DNAJC14: variants seen among roughly 807,000 people sequenced by gnomAD.
The protein encoded by DNAJC14 is DnaJ heat shock protein family (Hsp40) member C14.
In DNAJC14, 12 loss-of-function variants were observed where a neutral mutation model predicts 68.8. That is an observed-to-expected ratio of 0.17 (90% CI 0.11 to 0.28). DNAJC14 has a LOEUF of 0.28. Ranked by LOEUF, DNAJC14 falls within the 10% of genes least tolerant of loss-of-function variation. The pLI is 1.00. For synonymous variants in DNAJC14, 350 were observed against 321.5 expected, an observed-to-expected ratio of 1.09 and a Z score of -0.95; for missense variants, 764 against 875.6, an observed-to-expected ratio of 0.87 and a Z score of 1.61.
intron 2 of DNAJC14, 109 bp from the exon 3 acceptor site, chr12:55,823,617 G>T: frequency 2.4e-6 from 2 of 844,758 alleles, no homozygotes; most frequent in Non-Finnish European, 3.7e-6. Flanking sequence ...AAGAGTCAGT[G>T]TAGCTTAATG....
In DNAJC14 at chr12:55,827,937, G is replaced by A. The variant is rs758217918; in HGVS notation, c.722C>T (p.Ala241Val). The A allele has an allele frequency of 1.2e-5, 19 of 1,606,856 alleles. No homozygotes were observed. The highest frequency in any genetic ancestry group is 1.6e-5 in the Non-Finnish European group (19 of 1,175,258). Residue 241 changes from alanine (A) to valine (V), a missense_variant, in exon 2 of 7, where the codon GCC becomes GTC. By Grantham distance (64) the Ala-to-Val change is moderately conservative (BLOSUM62 0). This residue lies in a region of DNAJC14 where 514 missense variants were observed against 521.7 expected (regional missense o/e 0.99). Transcript: ENST00000678005. The stretch of plus-strand genomic sequence containing the variant: ...CTGTCCAAGTTGACATAGTTCCTCG[G>A]CTCCCCACAATCCCAGGCCTTTGCG... The part of the protein sequence containing the change: ...DKRKGLGLWG[A>V]EELCQLGQAG...
intron 2 of DNAJC14, among the ~76,000 whole-genome samples, chr12:55,823,837 T>C (rs1252674196): frequency 6.6e-6 from 1 of 150,436 alleles, no homozygotes; most frequent in Non-Finnish European, 1.5e-5. Context: ...CTCTAGTAGG[T>C]GGGATTACAG....
Position 55,827,545 on chromosome 12 carries a change from G to C in DNAJC14, c.1114C>G (p.Pro372Ala). The C allele has an allele frequency of 6.2e-7, 1 of 1,606,368 alleles. No homozygotes were observed. The highest frequency in any genetic ancestry group is 8.5e-7 in the Non-Finnish European group (1 of 1,173,512). The change falls in exon 2 of 7, where the codon CCA becomes GCA. Residue 372 changes from proline (P) to alanine (A), a missense_variant. By Grantham distance (27) the Pro-to-Ala change is conservative. Around this residue, in one of 4 missense-constraint regions of DNAJC14, gnomAD observed 514 missense variants for 521.7 expected, o/e 0.99. Transcript: ENST00000678005. ...ATWLFSWLDS[P>A]ALQRCLTLLR... ...AGAGTCAAGCAACGCTGCAAGGCTG[G>C]AGAATCCAGCCAAGAGAAGAGCCAG...
rs1291014655 is a variant in DNAJC14 at position 55,828,049 on chromosome 12, T to C, written c.610A>G (p.Lys204Glu). The C allele has an allele frequency of 1.9e-6, 3 of 1,612,460 alleles. No individual in the cohort carries two copies. Among genetic ancestry groups the C allele is most frequent in the Non-Finnish European group, 2.5e-6 (3 of 1,179,224 alleles). Residue 204 changes from lysine to glutamate, a missense_variant, in exon 2 of 7, where the codon AAG (lysine) becomes GAG (glutamate). By Grantham distance (56) the Lys-to-Glu change is moderately conservative. Around this residue, in one of 4 missense-constraint regions of DNAJC14, gnomAD observed 514 missense variants for 521.7 expected, o/e 0.99. Transcript: ENST00000678005. ...CGTCCACCCTCCCGAGTATCCTCCT[T>C]CGTTGGAAAGCGGTGCCGCTGTCTC... Reference protein sequence around the residue: ...SRRQRHRFPTKEDTREGGRRD... With the variant: ...SRRQRHRFPTEEDTREGGRRD...
chr12:55,825,152 A>G (rs954063456), intron 2 of DNAJC14, among the ~76,000 whole-genome samples: 2 of 148,296 alleles, frequency 1.3e-5, no homozygotes, highest in Admixed American at 6.7e-5. Flanking sequence ...AAAAAAAAAA[A>G]GAATATACCA....
chr12:55,821,208 A>T lies in DNAJC14; in HGVS notation c.*769T>A, dbSNP rs1023210328. The T allele has an allele frequency of 6.6e-6, 1 of 152,616 alleles. No homozygotes were observed. The highest frequency in any genetic ancestry group is 6.5e-5 in the Admixed American group (1 of 15,276). 9.5% of individuals were successfully genotyped at this position (152,616 alleles called of 1,614,324 possible). ...GCAGAAAAGAGCCTAAAATTGGGTG[A>T]TTTACCCACAAAGTGAAAGTCGAGG... On this transcript the variant is annotated 3_prime_UTR_variant, in exon 7 of 7. Transcript: ENST00000678005.
Position 55,827,768 on chromosome 12 carries a change from C to T in DNAJC14, c.891G>A (p.Arg297=), listed in dbSNP as rs748703478. 1.9e-6 allele frequency: 3 copies of T among 1,614,008 alleles called. No homozygotes were observed. The highest frequency in any genetic ancestry group is 2.5e-6 in the Non-Finnish European group (3 of 1,179,946). The change falls in exon 2 of 7, where the codon CGG becomes CGA. Residue 297 remains arginine (R), a synonymous_variant. Transcript: ENST00000678005. The part of the protein sequence containing the change: ...FRVWMGVWTG[R]LGGWAQVMFQ... ...ACATGACCTGGGCCCAGCCCCCTAA[C>T]CGCCCTGTCCACACTCCCATCCAAA...
chr12:55,829,423 T>A (rs1265972392), intron 1 of DNAJC14, 66 bp downstream of exon 1: 4 of 975,582 alleles, frequency 4.1e-6, no homozygotes, highest in Non-Finnish European at 4.8e-6. Context: ...CCAGTCTGGG[T>A]GACAGAGCGA....
intron 5 of DNAJC14, 31 bp from the exon 6 acceptor site, chr12:55,822,506 G>C: frequency 6.2e-7 from 1 of 1,613,586 alleles, no homozygotes; most frequent in South Asian, 1.1e-5. Context: ...TAGCCAAAAC[G>C]TCGCAGTTTA....
In DNAJC14 at chr12:55,821,843, A is replaced by G. The variant is rs965031515; in HGVS notation, c.*134T>C. ...CTGCACTCCAGCTGGGCAACAGAGC[A>G]AGACTCCATCTCAAAAAATAAAAAG... On this transcript the variant is annotated 3_prime_UTR_variant, in exon 7 of 7. Transcript: ENST00000678005. 11 of 1,022,860 alleles carry G rather than the reference A, an allele frequency of 1.1e-5. No individual in the cohort carries two copies. The highest frequency in any genetic ancestry group is 1.9e-5 in the South Asian group (1 of 53,496). 63.4% of individuals were successfully genotyped at this position (1,022,860 alleles called of 1,614,324 possible).
intron 2 of DNAJC14, among the ~76,000 whole-genome samples, chr12:55,826,256 T>C (rs1305411134): frequency 6.9e-6 from 1 of 144,640 alleles, no homozygotes; most frequent in East Asian, 2.1e-4. Context: ...GATCCCATAG[T>C]GGAGGGGAAA....
upstream of DNAJC14, chr12:55,829,719 T>C (rs529403410): frequency 9.9e-6 from 6 of 604,680 alleles, no homozygotes; most frequent in African/African-American, 8.0e-5. Context: ...TAGGGCTGCG[T>C]CGACTCCAAG....
In DNAJC14 at chr12:55,828,617, G is replaced by T; in HGVS notation, c.42C>A (p.Ala14=). The T allele has an allele frequency of 6.2e-7, 1 of 1,614,092 alleles. No homozygotes were observed. The highest frequency in any genetic ancestry group is 8.5e-7 in the Non-Finnish European group (1 of 1,179,998). ...TGAGGGAGGCACCACCACTGTGGTG[G>T]GCTCCATACAACCCTCTTTCTCCGG... The part of the protein sequence containing the change: ...KHPGERGLYG[A]HHSGGASLRT... The change falls in exon 2 of 7, where the codon GCC becomes GCA. Residue 14 remains alanine, a synonymous_variant. Transcript: ENST00000678005.
In DNAJC14 at chr12:55,828,320, A is replaced by T. The variant is rs757197235; in HGVS notation, c.339T>A (p.Thr113=). 1 of 1,613,068 alleles carries T rather than the reference A, an allele frequency of 6.2e-7. No homozygotes were observed. Among genetic ancestry groups the T allele is most frequent in the East Asian group, 2.2e-5 (1 of 44,872 alleles). Residue 113 remains threonine (T), a synonymous_variant, in exon 2 of 7, where the codon ACT becomes ACA. Transcript: ENST00000678005. ...VDQELSKENE[T]GNQKDGNSFL... ...AAGAGTTCCCATCCTTCTGGTTCCC[A>T]GTCTCGTTTTCTTTTGAGAGTTCCT...
At chr12:55,823,376 C>G in intron 3 of DNAJC14, 26 bp downstream of exon 3, 1 of 1,612,068 alleles carries the variant, frequency 6.2e-7, no homozygotes, top group Non-Finnish European at 8.5e-7. Context: ...TTACCATTAT[C>G]TGATGATTTC....
chr12:55,827,855 A>G lies in DNAJC14; in HGVS notation c.804T>C (p.Thr268=). ...TGCAGGCATAGATGAGATGGCCACA[A>G]GTTTCTACGTACTCTCCCACCAATA... is the stretch of plus-strand genomic sequence containing the variant. ...LLVLVGEYVE[T]CGHLIYACRQ... Residue 268 remains threonine, a synonymous_variant, in exon 2 of 7, where the codon ACT becomes ACC. Coordinates refer to ENST00000678005, the MANE Select transcript of DNAJC14 (RefSeq NM_032364.6). 1 of 1,613,792 alleles carries G rather than the reference A, an allele frequency of 6.2e-7. No individual in the cohort carries two copies. The highest frequency in any genetic ancestry group is 8.5e-7 in the Non-Finnish European group (1 of 1,179,788).
In DNAJC14 at chr12:55,822,067, G is replaced by A. The variant is rs555285000; in HGVS notation, c.2019C>T (p.Ala673=). 9.9e-6 allele frequency: 16 copies of A among 1,614,112 alleles called. No homozygotes were observed. The highest frequency in any genetic ancestry group is 4.4e-5 in the South Asian group (4 of 91,080). ...FFAAPQPAPG[A]AAASKPNSTV... is the part of the protein sequence containing the mutation. ...TGCTGTTGGGCTTAGAGGCTGCAGC[G>A]GCTCCAGGGGCAGGCTGAGGAGCTG... Residue 673 remains alanine (A), a synonymous_variant, in exon 7 of 7, where the codon GCC becomes GCT. Transcript: ENST00000678005.
intron 2 of DNAJC14, among the ~76,000 whole-genome samples, chr12:55,826,629 G>A (rs918444479): frequency 6.6e-6 from 1 of 151,236 alleles, no homozygotes; most frequent in South Asian, 2.1e-4. Context: ...GTGAAACCCC[G>A]TTTCTACTAA....
intron 2 of DNAJC14, among the ~76,000 whole-genome samples, chr12:55,826,680 G>A (rs1048356618): frequency 3.1e-4 from 47 of 151,490 alleles, no homozygotes; most frequent in Non-Finnish European, 5.4e-4. Flanking sequence ...GGCGCCTGTA[G>A]TCCCAGCTAC....
Sources: allele counts gnomAD v4.1 joint callset (sites outside exome capture counted in the v4.1 genomes callset), GRCh38; gene constraint gnomAD v4.1.1; regional missense constraint gnomAD v4.1.1; transcripts MANE v1.5; gene names NCBI Gene and HGNC (gene_info 2026-07-23, HGNC 2026-07-21).